ZNF766: variants seen among roughly 807,000 people sequenced by gnomAD.
ZNF766 encodes zinc finger protein 766.
ZNF766 carries 13 observed loss-of-function variants against 13.2 expected under a neutral mutation model. That is an observed-to-expected ratio of 0.98 (90% CI 0.64 to 1.56). The LOEUF (loss-of-function observed/expected upper bound fraction) is 1.56. Among genes scored for constraint, ZNF766 ranks in the 40% most tolerant of loss-of-function variants. The probability of loss-of-function intolerance (pLI) is 0.00; values close to 1 mark genes in which losing one functional copy is unlikely to be tolerated. For synonymous variants in ZNF766, 178 were observed against 187.6 expected (o/e 0.95, Z 0.42); for missense variants, 521 against 552.2 (o/e 0.94, Z 0.57).
chr19:52,274,543 G>C (rs1981110005), intron 1 of ZNF766: 1 of 152,304 alleles, frequency 6.6e-6, no homozygotes, highest in East Asian at 1.9e-4. Context: ...TTAATGAGGA[G>C]TCATTGGAAC....
At position 52,291,078 on chromosome 19, in the gene ZNF766, T is replaced by A. The variant is rs745801576; in HGVS notation, c.1287T>A (p.His429Gln). The change falls in exon 4 of 4, where the codon CAT becomes CAA. Residue 429 changes from histidine to glutamine, a missense_variant. By Grantham distance (24) the His-to-Gln change is conservative (BLOSUM62 0). Transcript: ENST00000439461. Reference protein sequence around the residue: ...VFTQNSHLANHQRIHTGEKPY... With the variant: ...VFTQNSHLANQQRIHTGEKPY... Reference sequence around the variant, plus strand: ...CTCAGAATTCACACCTTGCAAATCATCAGAGAATCCACACTGGAGAGAAAC... The same window carrying A: ...CTCAGAATTCACACCTTGCAAATCAACAGAGAATCCACACTGGAGAGAAAC... 6.2e-7 allele frequency: 1 copy of A among 1,614,174 alleles called. No individual in the cohort carries two copies.
At chr19:52,283,835 A>G (rs1981670825) in intron 3 of ZNF766, among the ~76,000 whole-genome samples, 2 of 152,136 alleles carry the variant, frequency 1.3e-5, no homozygotes, top group African/African-American at 4.8e-5. Context: ...CCTCCCGGGT[A>G]CAAGTGAGTC....
intron 3 of ZNF766, among the ~76,000 whole-genome samples, chr19:52,285,803 G>A (rs1306770277): frequency 6.6e-6 from 1 of 152,208 alleles, no homozygotes; most frequent in African/African-American, 2.4e-5. Context: ...CTTAGGGCAG[G>A]TGAAAGAAGA....
intron 3 of ZNF766, among the ~76,000 whole-genome samples, chr19:52,286,158 AG>A (rs372740667): frequency 1.6e-4 from 23 of 142,006 alleles, no homozygotes; most frequent in African/African-American, 3.7e-4. Context: ...AAAAAAAAAA[AG>A]AAAGAAAGAA....
At chr19:52,286,180 T>A (rs1600201780) in intron 3 of ZNF766, among the ~76,000 whole-genome samples, 2 of 120,500 alleles carry the variant, frequency 1.7e-5, no homozygotes, top group African/African-American at 7.5e-5. Flanking sequence ...AGAATCCAAG[T>A]GGGCTTTTCC....
chr19:52,281,964 A>G (rs1981546353), intron 1 of ZNF766, 147 bp from the exon 2 acceptor site: 4 of 933,998 alleles, frequency 4.3e-6, no homozygotes, highest in Non-Finnish European at 6.6e-6. Context: ...CAGACACATA[A>G]CTAGCTCAAA....
At chr19:52,269,963 C>T (rs1046724888) in intron 1 of ZNF766, among the ~76,000 whole-genome samples, 9 of 152,156 alleles carry the variant, frequency 5.9e-5, no homozygotes, top group Non-Finnish European at 1.0e-4. Flanking sequence ...CTTGTCGGCC[C>T]CTGGGGCGCA....
At chr19:52,270,519 G>T (rs181194314) in intron 1 of ZNF766, among the ~76,000 whole-genome samples, 1 of 152,152 alleles carries the variant, frequency 6.6e-6, no homozygotes, top group East Asian at 1.9e-4. Context: ...AGAGGAGGAG[G>T]GATTTGGAGC....
chr19:52,281,061 A>G (rs1327721309), intron 1 of ZNF766, among the ~76,000 whole-genome samples: 2 of 152,020 alleles, frequency 1.3e-5, no homozygotes, highest in Middle Eastern at 3.4e-3. Context: ...AGGCTGAGGC[A>G]GGAGAATCCC....
rs201547997 is a variant in ZNF766 at position 52,290,551 on chromosome 19, C to T, written c.760C>T (p.Arg254Ter). The stretch of plus-strand genomic sequence containing the variant: ...TAAAGAGTGTGGCAAGCTCTTCAAT[C>T]GAATTGCATACCTTGCACGACACGA... ...KCKECGKLFNRIAYLARHEKV... is the reference protein window; with the variant it reads ...KCKECGKLFN The change falls in exon 4 of 4, where the codon CGA becomes TGA. Residue 254 changes from arginine (R) to a stop codon, truncating the protein, a stop_gained. Transcript: ENST00000439461. LOFTEE classifies it low-confidence loss of function (END_TRUNC). 1.3e-5 allele frequency: 21 copies of T among 1,613,992 alleles called. No homozygotes were observed. The Admixed American group carries it at 1.5e-4, about 12-fold the overall frequency.
chr19:52,291,525 G>A lies in ZNF766; in HGVS notation c.*327G>A. The A allele has an allele frequency of 4.8e-6, 1 of 209,914 alleles. No individual in the cohort carries two copies. The highest frequency in any genetic ancestry group is 1.1e-4 in the South Asian group (1 of 8,708). 13.0% of individuals were successfully genotyped at this position (209,914 alleles called of 1,614,324 possible). ...TGTAATCCTAGCACTTTGGGAGGTT[G>A]AGGCAGGTGGATCACAAGGTCAGGA... is the stretch of plus-strand genomic sequence containing the variant. On this transcript the variant is annotated 3_prime_UTR_variant, in exon 4 of 4. Coordinates refer to ENST00000439461, the MANE Select transcript of ZNF766 (RefSeq NM_001010851.3).
chr19:52,283,619 C>T (rs1343731689), intron 3 of ZNF766, among the ~76,000 whole-genome samples: 1 of 152,056 alleles, frequency 6.6e-6, no homozygotes, highest in Non-Finnish European at 1.5e-5. Flanking sequence ...ACTATTAAAT[C>T]GTGTTTATAA....
At chr19:52,279,986 G>A (rs1981414783) in intron 1 of ZNF766, among the ~76,000 whole-genome samples, 3 of 151,498 alleles carry the variant, frequency 2.0e-5, no homozygotes, top group South Asian at 4.2e-4. Context: ...AGCAGAGACG[G>A]GGTTTCACCA....
chr19:52,288,026 TC>T (rs1568621984), intron 3 of ZNF766: 1 of 431,378 alleles, frequency 2.3e-6, no homozygotes, highest in Non-Finnish European at 4.5e-6. Context: ...TTTTTCTTTT[TC>T]TTTTTTTTTT....
rs1982273734 is a variant in ZNF766, at chr19:52,294,570, G to C, written c.*3372G>C. ...ATTGTTAAGGGATAGGGCTTGGGCA[G>C]GGGTGCCCACTTGTGGTTTGAACTT... is the stretch of plus-strand genomic sequence containing the variant. On this transcript the variant is annotated 3_prime_UTR_variant, in exon 4 of 4. Transcript: ENST00000439461. 6.6e-6 allele frequency: 1 copy of C among 152,216 alleles called. No homozygotes were observed. The highest frequency in any genetic ancestry group is 6.5e-5 in the Admixed American group (1 of 15,268). The allele number at this position is 152,216 out of a possible 1,614,324, so 9.4% of individuals were successfully genotyped here. A position where few individuals can be genotyped will look rare whatever the true frequency, so the allele number is the denominator to read the frequency against.
chr19:52,271,660 A>AAC (rs1389770261), intron 1 of ZNF766, among the ~76,000 whole-genome samples: 15 of 152,280 alleles, frequency 9.9e-5, no homozygotes, highest in African/African-American at 2.9e-4. Context: ...TGTCCATGAA[A>AAC]ACACACACAG....
At chr19:52,285,671 T>A (rs1471944494) in intron 3 of ZNF766, among the ~76,000 whole-genome samples, 1 of 152,180 alleles carries the variant, frequency 6.6e-6, no homozygotes, top group Non-Finnish European at 1.5e-5. Context: ...CCCAGTCCTC[T>A]TGGGTTTTCA....
chr19:52,291,122 G>T lies in ZNF766; in HGVS notation c.1331G>T (p.Cys444Phe), dbSNP rs1982122195. The T allele has an allele frequency of 2.5e-6, 4 of 1,613,940 alleles. No individual in the cohort carries two copies. In the East Asian group the frequency reaches 8.9e-5, roughly 36 times the overall value. Residue 444 changes from cysteine to phenylalanine, a missense_variant, in exon 4 of 4, where the codon TGT becomes TTT. By Grantham distance (205) the Cys-to-Phe change is radical. Coordinates refer to ENST00000439461, the MANE Select transcript of ZNF766 (RefSeq NM_001010851.3). ...GAGAAACCTTACAAATGCCATGTGTGTGGTAAGGTCTTTAGGCACAGTTCA... is the reference window on the plus strand; with the variant it reads ...GAGAAACCTTACAAATGCCATGTGTTTGGTAAGGTCTTTAGGCACAGTTCA... ...TGEKPYKCHVCGKVFRHSSWF... is the reference protein window; with the variant it reads ...TGEKPYKCHVFGKVFRHSSWF...
intron 3 of ZNF766, among the ~76,000 whole-genome samples, chr19:52,288,494 C>T (rs1981943256): frequency 6.6e-6 from 1 of 152,024 alleles, no homozygotes; most frequent in South Asian, 2.1e-4. Context: ...TAGCCTCCTG[C>T]GTAGTTGGGA....
Sources: gnomAD v4.1 joint callset for allele counts (sites outside exome capture counted in the v4.1 genomes callset) on GRCh38, gnomAD v4.1.1 for gene constraint, MANE v1.5 for transcripts, NCBI Gene and HGNC (gene_info 2026-07-23, HGNC 2026-07-21) for gene names.